The following RAB3IL1 variants were observed in gnomAD, a reference collection of about 807,000 sequenced individuals.
The protein encoded by RAB3IL1 is RAB3A interacting protein like 1, also known as guanine nucleotide exchange factor for Rab-3A.
A neutral mutation model predicts 49.2 loss-of-function variants in RAB3IL1; 37 were observed. The ratio of observed to expected loss-of-function variants is 0.75; its 90% CI spans 0.58 to 0.99. RAB3IL1 has a LOEUF of 0.99. Ranked by LOEUF, RAB3IL1 falls within the 50% of genes least tolerant of loss-of-function variation. RAB3IL1 has a pLI of 0.00. For missense variants in RAB3IL1, 484 were observed against 513.0 expected, an observed-to-expected ratio of 0.94 and a Z score of 0.55; for synonymous variants, 193 against 213.9, an observed-to-expected ratio of 0.90 and a Z score of 0.85.
the RAB3IL1 span, among the ~76,000 whole-genome samples, chr11:61,942,754 A>G: frequency 6.6e-6 from 1 of 152,260 alleles, no homozygotes; most frequent in Non-Finnish European, 1.5e-5. Flanking sequence ...GCCATTTACA[A>G]AATGGAACTT....
the RAB3IL1 span, among the ~76,000 whole-genome samples, chr11:61,934,450 G>GTATGTATA: frequency 6.3e-5 from 2 of 31,614 alleles, no homozygotes; most frequent in Non-Finnish European, 1.4e-4. Flanking sequence ...GTGTGTGTAT[G>GTATGTATA]TATATATATA....
intron 1 of RAB3IL1, among the ~76,000 whole-genome samples, chr11:61,911,144 G>A (rs1475608165): frequency 6.6e-6 from 1 of 152,158 alleles, no homozygotes; most frequent in African/African-American, 2.4e-5. Flanking sequence ...CAATTTTGTA[G>A]CCAGAGGAAA....
the RAB3IL1 span, among the ~76,000 whole-genome samples, chr11:61,939,364 C>T: frequency 1.3e-5 from 2 of 151,998 alleles, no homozygotes; most frequent in African/African-American, 4.8e-5. Context: ...TTATCGAATA[C>T]AGCAAAAGCA....
At chr11:61,910,802 C>T (rs753523955) in intron 1 of RAB3IL1, among the ~76,000 whole-genome samples, 1 of 152,224 alleles carries the variant, frequency 6.6e-6, no homozygotes, top group Non-Finnish European at 1.5e-5. Flanking sequence ...ATCATCATGG[C>T]CCAAGTCCTC....
chr11:61,920,293 C>G (rs1939871092), upstream of RAB3IL1: 2 of 1,230,642 alleles, frequency 1.6e-6, no homozygotes, highest in South Asian at 4.1e-5. Context: ...CTAACCTTTG[C>G]TATCTCCCCA....
At chr11:61,943,611 C>G in the RAB3IL1 span, among the ~76,000 whole-genome samples, 1 of 151,998 alleles carries the variant, frequency 6.6e-6, no homozygotes, top group Non-Finnish European at 1.5e-5. Context: ...ATAATTCTAA[C>G]AACAACAAGA....
the RAB3IL1 span, among the ~76,000 whole-genome samples, chr11:61,932,199 C>T: frequency 6.7e-6 from 1 of 150,256 alleles, no homozygotes; most frequent in African/African-American, 2.5e-5. Context: ...TGCAGTGAGC[C>T]GAGATCTCAC....
chr11:61,902,364 TCCCAGGCCCAGGGC>T, intron 8 of RAB3IL1, 64 bp downstream of exon 8: 1 of 1,234,928 alleles, frequency 8.1e-7, no homozygotes. Context: ...CTATTCATAC[TCCCAGGCCCAGGGC>T]CCAGTGTCCC....
chr11:61,906,610 G>T lies in RAB3IL1; in HGVS notation c.513C>A (p.Arg171=), dbSNP rs61746012. 6.2e-7 allele frequency: 1 copy of T among 1,611,770 alleles called. No homozygotes were observed. The change falls in exon 5 of 10, where the codon CGC becomes CGA. Residue 171 remains arginine (R), a synonymous_variant. Coordinates refer to ENST00000394836, the MANE Select transcript of RAB3IL1 (RefSeq NM_013401.4). This position sits in a 1 kb window ranked among gnomAD's most constrained non-coding sequence, Gnocchi z 4.6. ...VITSTPASPN[R]ELHPQLLSPT... ...GGCTCAGCAGCTGGGGGTGAAGCTC[G>T]CGGTTGGGAGAGGCTGGTGTGGACG...
chr11:61,920,194 C>T, upstream of RAB3IL1: 1 of 1,267,100 alleles, frequency 7.9e-7, no homozygotes, highest in Non-Finnish European at 1.0e-6. Flanking sequence ...AGAGTCCATG[C>T]TTGCAAGGCC....
chr11:61,929,587 C>T, the RAB3IL1 span, among the ~76,000 whole-genome samples: 44 of 145,118 alleles, frequency 3.0e-4, no homozygotes, highest in African/African-American at 9.8e-4. Context: ...GAGAACCAAG[C>T]AGATTTTTTT....
chr11:61,912,350 C>T (rs1939490005), intron 1 of RAB3IL1, among the ~76,000 whole-genome samples: 1 of 152,220 alleles, frequency 6.6e-6, no homozygotes, highest in Non-Finnish European at 1.5e-5. Context: ...ATGTGATTAA[C>T]ATCCAGGGAC....
chr11:61,917,336 C>G (rs1939740549), intron 1 of RAB3IL1, 21 bp downstream of exon 1: 3 of 1,313,332 alleles, frequency 2.3e-6, no homozygotes, highest in South Asian at 2.0e-5. Flanking sequence ...AGCGCGGGAC[C>G]GCGAGCGCGC....
chr11:61,921,568 C>T (rs981267361), upstream of RAB3IL1, among the ~76,000 whole-genome samples: 1 of 152,160 alleles, frequency 6.6e-6, no homozygotes, highest in Non-Finnish European at 1.5e-5. Flanking sequence ...GCACCAGAGC[C>T]CTTAGACACA....
chr11:61,917,336 C>T, intron 1 of RAB3IL1, 21 bp downstream of exon 1: 1 of 1,313,440 alleles, frequency 7.6e-7, no homozygotes, highest in Non-Finnish European at 9.7e-7. Context: ...AGCGCGGGAC[C>T]GCGAGCGCGC....
chr11:61,904,563 A>G lies in RAB3IL1; in HGVS notation c.882T>C (p.Val294=). 1 of 1,611,950 alleles carries G rather than the reference A, an allele frequency of 6.2e-7. No homozygotes were observed. Among genetic ancestry groups the G allele is most frequent in the African/African-American group, 1.3e-5 (1 of 75,020 alleles). The change falls in exon 7 of 10, where the codon GTT becomes GTC. Residue 294 remains valine, a synonymous_variant. Transcript: ENST00000394836. ...CAGCTTACTTGGTGCTGCTACAGTCAACCTCGGCCACCTTCACTGTGGGCA... is the reference window on the plus strand; with the variant it reads ...CAGCTTACTTGGTGCTGCTACAGTCGACCTCGGCCACCTTCACTGTGGGCA... The part of the protein sequence containing the change: ...QTLPTVKVAE[V]DCSSTNTCAL...
intron 1 of RAB3IL1, among the ~76,000 whole-genome samples, chr11:61,916,741 A>G (rs1042982571): frequency 2.0e-5 from 3 of 152,172 alleles, no homozygotes; most frequent in Admixed American, 1.3e-4. Context: ...AGGAACTGCA[A>G]CTGCCCCTGA....
upstream of RAB3IL1, chr11:61,920,017 C>T (rs139989690): frequency 4.9e-4 from 610 of 1,240,730 alleles, 7 homozygotes; most frequent in African/African-American, 6.8e-3. Context: ...CCCCTCCCCT[C>T]CATGCCCCAG....
chr11:61,914,593 C>T (rs989142174), intron 1 of RAB3IL1, among the ~76,000 whole-genome samples: 1 of 152,172 alleles, frequency 6.6e-6, no homozygotes, highest in Admixed American at 6.5e-5. Context: ...TAAAGTCAGA[C>T]TGGAGCTGCC....
Sources: allele counts gnomAD v4.1 joint callset (sites outside exome capture counted in the v4.1 genomes callset), GRCh38; gene constraint gnomAD v4.1.1; non-coding constraint Gnocchi (gnomAD v3.1); transcripts MANE v1.5; gene names NCBI Gene and HGNC (gene_info 2026-07-23, HGNC 2026-07-21).